Variants in SUGCT observed in about 807,000 individuals in gnomAD.
SUGCT encodes the protein succinyl-CoA:glutarate-CoA transferase.
In SUGCT, 41 loss-of-function variants were observed where a neutral mutation model predicts 55.0. That is an observed-to-expected ratio of 0.74 (90% confidence interval 0.58 to 0.97). The LOEUF (loss-of-function observed/expected upper bound fraction) is 0.97, where lower values mean the gene tolerates loss of function less well. SUGCT is among the 50% of genes least tolerant of loss of function. SUGCT has a pLI of 0.00. For synonymous variants in SUGCT, 187 were observed against 200.4 expected (o/e 0.93, Z 0.56); for missense variants, 568 against 547.8 (o/e 1.04, Z -0.37).
At chr7:40,719,985 C>A (rs1051034105) in intron 12 of SUGCT, among the ~76,000 whole-genome samples, 1 of 152,010 alleles carries the variant, frequency 6.6e-6, no homozygotes, top group African/African-American at 2.4e-5. Context: ...TAGTAGAGAT[C>A]ATGTTGGCCA....
At chr7:41,027,076 A>G in the SUGCT span, among the ~76,000 whole-genome samples, 1 of 152,222 alleles carries the variant, frequency 6.6e-6, no homozygotes, top group Non-Finnish European at 1.5e-5. Context: ...CAAAAACAAA[A>G]ACATCTTTCT....
intron 7 of SUGCT, among the ~76,000 whole-genome samples, chr7:40,272,817 A>T (rs1380421935): frequency 6.6e-6 from 1 of 151,598 alleles, no homozygotes; most frequent in African/African-American, 2.4e-5. Context: ...GTGCCACCAC[A>T]CCTGGCTAAT....
intron 12 of SUGCT, among the ~76,000 whole-genome samples, chr7:40,655,384 T>G (rs1038141541): frequency 5.9e-5 from 9 of 152,234 alleles, no homozygotes; most frequent in Non-Finnish European, 4.4e-5. Context: ...GTGCTATAAA[T>G]GTACTGGCTG....
At chr7:40,665,093 T>C (rs6971379) in intron 12 of SUGCT, among the ~76,000 whole-genome samples, 8,077 of 151,962 alleles carry the variant, frequency 0.053, 678 homozygotes, top group African/African-American at 0.19. Context: ...CCCTGGGGAA[T>C]ATAGATACAT....
rs141154036 is a variant in SUGCT, at chr7:40,498,357, T to G, written c.1089+1971T>G. ...TCAGTACACAATGTGTACCTGCTAT[T>G]TAAGTCCATTTTGAATTTATTTATT... On this transcript the variant is annotated intron_variant, in intron 12 of 13. Coordinates refer to ENST00000335693, the MANE Select transcript of SUGCT (RefSeq NM_001193313.2). Among the ~76,000 whole-genome samples, 822 of 152,292 alleles carry G rather than the reference T, an allele frequency of 5.4e-3. 12 individuals carry two copies. The highest frequency in any genetic ancestry group is 0.018 in the African/African-American group (762 of 41,560).
the SUGCT span, among the ~76,000 whole-genome samples, chr7:41,012,829 G>C: frequency 1.3e-5 from 2 of 152,046 alleles, no homozygotes; most frequent in Admixed American, 1.3e-4. Flanking sequence ...ATAATGCTAT[G>C]AGTGTATTTT....
At chr7:40,994,695 G>A in the SUGCT span, among the ~76,000 whole-genome samples, 1 of 152,144 alleles carries the variant, frequency 6.6e-6, no homozygotes, top group Non-Finnish European at 1.5e-5. Context: ...TGAGAAGTGC[G>A]ATTCCCAGGG....
At chr7:40,391,823 A>G (rs1785448251) in intron 9 of SUGCT, among the ~76,000 whole-genome samples, 1 of 152,196 alleles carries the variant, frequency 6.6e-6, no homozygotes. Context: ...TGCTGTAAAG[A>G]CACATGCACA....
intron 1 of SUGCT, among the ~76,000 whole-genome samples, chr7:40,159,189 G>T (rs1213896633): frequency 6.6e-6 from 1 of 152,142 alleles, no homozygotes; most frequent in Non-Finnish European, 1.5e-5. Context: ...CAAAGTGCTG[G>T]GATTATAGGT....
chr7:40,772,494 ATATCTATCTATCTATCTATCTATC>A (rs70990644), intron 13 of SUGCT, among the ~76,000 whole-genome samples: 213 of 99,416 alleles, frequency 2.1e-3, no homozygotes, highest in African/African-American at 2.8e-3. Flanking sequence ...TTCTTTTGAA[ATATCTATCTATCTATCTATCTATC>A]TATCTATCTA....
chr7:40,263,304 G>A (rs1273509780), intron 7 of SUGCT, among the ~76,000 whole-genome samples: 1 of 152,176 alleles, frequency 6.6e-6, no homozygotes, highest in Non-Finnish European at 1.5e-5. Context: ...CTGACAACAT[G>A]TGTTAAAGCA....
chr7:40,561,688 CT>C (rs777766517), intron 12 of SUGCT, among the ~76,000 whole-genome samples: 3,328 of 100,084 alleles, frequency 0.033, 78 homozygotes, highest in African/African-American at 0.12. Flanking sequence ...TAAGCCGAGT[CT>C]TTTTTTTTTT....
At chr7:40,938,205 G>T in the SUGCT span, among the ~76,000 whole-genome samples, 1 of 152,154 alleles carries the variant, frequency 6.6e-6, no homozygotes, top group Admixed American at 6.5e-5. Flanking sequence ...TTTGCTGTTT[G>T]ATTGGCATGA....
chr7:40,896,745 G>A, the SUGCT span, among the ~76,000 whole-genome samples: 15 of 152,266 alleles, frequency 9.9e-5, no homozygotes, highest in Admixed American at 9.2e-4. Flanking sequence ...TCTCAGGTAT[G>A]TCTTTATTAG....
chr7:40,177,111 C>T (rs1309724003), intron 1 of SUGCT, among the ~76,000 whole-genome samples: 1 of 152,048 alleles, frequency 6.6e-6, no homozygotes, highest in Non-Finnish European at 1.5e-5. Context: ...TAAAATCTGG[C>T]CTAAGAAAGC....
At chr7:40,247,166 A>G (rs1341733922) in intron 7 of SUGCT, among the ~76,000 whole-genome samples, 3 of 152,194 alleles carry the variant, frequency 2.0e-5, no homozygotes, top group African/African-American at 7.2e-5. Flanking sequence ...ATTTAGCTTT[A>G]GTAAGCTGCT....
chr7:40,310,723 G>A (rs914999130), intron 8 of SUGCT, among the ~76,000 whole-genome samples: 8 of 152,082 alleles, frequency 5.3e-5, no homozygotes, highest in African/African-American at 1.4e-4. Context: ...GTTTTGTTGT[G>A]TCATTTAAGT....
intron 13 of SUGCT, among the ~76,000 whole-genome samples, chr7:40,783,040 T>C (rs1463654159): frequency 1.3e-5 from 2 of 152,166 alleles, no homozygotes; most frequent in African/African-American, 4.8e-5. Flanking sequence ...GGGAAGATAT[T>C]GGAGTCCAGT....
chr7:40,600,935 G>A (rs1433545741), intron 12 of SUGCT, among the ~76,000 whole-genome samples: 2 of 152,018 alleles, frequency 1.3e-5, no homozygotes, highest in Non-Finnish European at 2.9e-5. Context: ...TCAACACTAT[G>A]TTCCAATAGT....
Sources: allele counts gnomAD v4.1 joint callset (sites outside exome capture counted in the v4.1 genomes callset), GRCh38; gene constraint gnomAD v4.1.1; transcripts MANE v1.5; gene names NCBI Gene and HGNC (gene_info 2026-07-23, HGNC 2026-07-21).